Variants in NOL4 observed in about 807,000 individuals in gnomAD.
NOL4 encodes nucleolar protein 4.
NOL4 carries 17 observed loss-of-function variants against 75.9 expected under a neutral mutation model. That is an observed-to-expected ratio of 0.22 (90% CI 0.15 to 0.34). The LOEUF (loss-of-function observed/expected upper bound fraction) is 0.34, where lower values mean the gene tolerates loss of function less well. Among genes scored for constraint, NOL4 ranks in the 10% least tolerant of loss-of-function variants. NOL4 has a pLI of 1.00. For missense variants in NOL4, 614 were observed against 793.5 expected (o/e 0.77, Z 2.72); for synonymous variants, 292 against 289.9 (o/e 1.01, Z -0.07).
At chr18:34,010,096 T>C (rs2074285607) in intron 6 of NOL4, among the ~76,000 whole-genome samples, 1 of 151,860 alleles carries the variant, frequency 6.6e-6, no homozygotes, top group African/African-American at 2.4e-5. Flanking sequence ...ATTTTAAAAG[T>C]ATTAAAAAGC....
intron 6 of NOL4, among the ~76,000 whole-genome samples, chr18:33,967,692 G>T (rs2070715966): frequency 6.6e-6 from 1 of 152,102 alleles, no homozygotes; most frequent in East Asian, 1.9e-4. Context: ...CTTACAAGTG[G>T]CTAACATGAA....
chr18:34,222,023 G>A (rs780593693), intron 1 of NOL4: 462 of 1,535,126 alleles, frequency 3.0e-4, no homozygotes, highest in Non-Finnish European at 3.8e-4. Flanking sequence ...TACCCACCGT[G>A]GCATGATGCA....
rs571988287 is a variant in NOL4 at position 33,903,997 on chromosome 18, T to C, written c.1543-20573A>G. Among the ~76,000 whole-genome samples, 243 of 152,282 alleles carry C rather than the reference T, an allele frequency of 1.6e-3. 3 individuals carry two copies. Among genetic ancestry groups the C allele is most frequent in the African/African-American group, 5.7e-3 (237 of 41,558 alleles). On this transcript the variant is annotated intron_variant, in intron 9 of 10. Coordinates refer to ENST00000261592, the MANE Select transcript of NOL4 (RefSeq NM_003787.5). ...TCAAACTCTCCAAATCAAAGATGGA[T>C]TCACAGATGCCTAAATGGCTGATGG...
chr18:34,075,270 C>G (rs1248731071), intron 5 of NOL4, among the ~76,000 whole-genome samples: 1 of 152,130 alleles, frequency 6.6e-6, no homozygotes, highest in East Asian at 1.9e-4. Context: ...TATACAGAGC[C>G]TGAAGTTAAC....
At chr18:34,113,953 C>T (rs1456131899) in intron 2 of NOL4, among the ~76,000 whole-genome samples, 3 of 152,174 alleles carry the variant, frequency 2.0e-5, no homozygotes, top group African/African-American at 7.2e-5. Flanking sequence ...AACTCAGGGA[C>T]ATGTCCCTCA....
intron 10 of NOL4, among the ~76,000 whole-genome samples, chr18:33,864,788 C>A (rs879659544): frequency 6.6e-6 from 1 of 152,186 alleles, no homozygotes; most frequent in African/African-American, 2.4e-5. Context: ...TTTAACTGAG[C>A]CATAATTCTG....
intron 9 of NOL4, among the ~76,000 whole-genome samples, chr18:33,923,690 T>C (rs766246139): frequency 3.3e-5 from 5 of 152,200 alleles, no homozygotes; most frequent in Non-Finnish European, 1.5e-5. Context: ...TTACATCTTT[T>C]TATACATCAC....
At chr18:33,977,515 C>G (rs1194097362) in intron 6 of NOL4, among the ~76,000 whole-genome samples, 2 of 152,114 alleles carry the variant, frequency 1.3e-5, no homozygotes, top group African/African-American at 2.4e-5. Flanking sequence ...ATTGTGAGGC[C>G]TTCCCAGCCA....
intron 6 of NOL4, 80 bp downstream of exon 6, chr18:34,019,238 T>C (rs2074889039): frequency 2.6e-6 from 3 of 1,146,822 alleles, no homozygotes; most frequent in Non-Finnish European, 3.8e-6. Context: ...AACAATAATG[T>C]TTATCTGCTA....
At chr18:33,905,417 C>T (rs556833825) in intron 9 of NOL4, among the ~76,000 whole-genome samples, 42 of 152,252 alleles carry the variant, frequency 2.8e-4, no homozygotes, top group Middle Eastern at 6.8e-3. Context: ...CAGGTCACCC[C>T]ACCATTCCAG....
At chr18:33,986,060 C>T (rs1446816791) in intron 6 of NOL4, among the ~76,000 whole-genome samples, 1 of 151,936 alleles carries the variant, frequency 6.6e-6, no homozygotes, top group Non-Finnish European at 1.5e-5. Flanking sequence ...TATTCTTTAG[C>T]CAAAGTAAAA....
At chr18:33,882,973 G>T (rs551882960) in intron 10 of NOL4, among the ~76,000 whole-genome samples, 2 of 151,696 alleles carry the variant, frequency 1.3e-5, no homozygotes, top group Non-Finnish European at 2.9e-5. Context: ...ACCAAACACC[G>T]CATATTCTCA....
chr18:34,011,693 C>T (rs2074383542), intron 6 of NOL4, among the ~76,000 whole-genome samples: 1 of 151,534 alleles, frequency 6.6e-6, no homozygotes, highest in South Asian at 2.1e-4. Flanking sequence ...AAATTAAATA[C>T]AAAAATAAAC....
intron 5 of NOL4, among the ~76,000 whole-genome samples, chr18:34,024,115 A>T (rs933680961): frequency 2.0e-5 from 3 of 148,692 alleles, no homozygotes; most frequent in Non-Finnish European, 4.5e-5. Flanking sequence ...CTACTTTCTT[A>T]TTCAGTTACT....
At chr18:34,103,228 C>A in intron 4 of NOL4, among the ~76,000 whole-genome samples, 1 of 151,990 alleles carries the variant, frequency 6.6e-6, no homozygotes, top group East Asian at 1.9e-4. Flanking sequence ...GAACCTGTTT[C>A]TAATATAAAT....
At chr18:34,211,732 A>C (rs2036529455) in intron 1 of NOL4, among the ~76,000 whole-genome samples, 1 of 152,224 alleles carries the variant, frequency 6.6e-6, no homozygotes, top group African/African-American at 2.4e-5. Flanking sequence ...ATTTGATTAA[A>C]ATTAGAAAGA....
At chr18:34,052,581 A>AC (rs1482963990) in intron 5 of NOL4, among the ~76,000 whole-genome samples, 2 of 152,030 alleles carry the variant, frequency 1.3e-5, no homozygotes, top group African/African-American at 4.8e-5. Flanking sequence ...CTTTTAAATT[A>AC]TTTATTAAAC....
intron 1 of NOL4, among the ~76,000 whole-genome samples, chr18:34,167,553 T>TAGATAGAC (rs1568413955): frequency 6.6e-6 from 1 of 151,948 alleles, no homozygotes; most frequent in Non-Finnish European, 1.5e-5. Flanking sequence ...GATAGATAGA[T>TAGATAGAC]AGATAGATAG....
At chr18:33,861,458 T>A (rs2144273599) in intron 10 of NOL4, among the ~76,000 whole-genome samples, 1 of 152,302 alleles carries the variant, frequency 6.6e-6, no homozygotes, top group East Asian at 1.9e-4. Flanking sequence ...GTAGTTTGTA[T>A]TTCTGTGGGA....
Sources: allele counts gnomAD v4.1 joint callset (sites outside exome capture counted in the v4.1 genomes callset), GRCh38; gene constraint gnomAD v4.1.1; transcripts MANE v1.5; gene names NCBI Gene and HGNC (gene_info 2026-07-23, HGNC 2026-07-21).